The following DGKI variants were observed in gnomAD, a reference collection of about 807,000 sequenced individuals.
The protein encoded by DGKI is diacylglycerol kinase iota, also known as DAG kinase iota.
DGKI carries 55 observed loss-of-function variants against 147.5 expected under a neutral mutation model. That is an observed-to-expected ratio of 0.37 (90% CI 0.30 to 0.47). The LOEUF (loss-of-function observed/expected upper bound fraction) is 0.47. DGKI is among the 20% of genes least tolerant of loss of function. DGKI has a pLI of 1.00. For missense variants in DGKI, 1,007 were observed against 1,323.8 expected (o/e 0.76, Z 3.71); for synonymous variants, 469 against 477.1 (o/e 0.98, Z 0.22).
intron 1 of DGKI, among the ~76,000 whole-genome samples, chr7:137,729,916 G>A (rs1794823020): frequency 6.6e-6 from 1 of 152,096 alleles, no homozygotes; most frequent in Admixed American, 6.6e-5. Context: ...CGTTGACACT[G>A]ATCAAACGTA....
intron 6 of DGKI, among the ~76,000 whole-genome samples, chr7:137,626,471 C>T (rs978432714): frequency 1.5e-4 from 23 of 152,028 alleles, no homozygotes; most frequent in African/African-American, 5.3e-4. Flanking sequence ...AACAGAACAG[C>T]TTACAAGAGG....
intron 12 of DGKI, among the ~76,000 whole-genome samples, chr7:137,595,894 C>T (rs1454551395): frequency 2.7e-5 from 4 of 147,262 alleles, no homozygotes; most frequent in African/African-American, 7.5e-5. Flanking sequence ...CCCAACTACT[C>T]GGGAGGCTGA....
intron 1 of DGKI, among the ~76,000 whole-genome samples, chr7:137,823,769 A>C (rs757052803): frequency 6.6e-6 from 1 of 152,240 alleles, no homozygotes; most frequent in Non-Finnish European, 1.5e-5. Flanking sequence ...GGCTGTCTAC[A>C]AGAAAAACCA....
chr7:137,733,185 TC>T lies in DGKI; in HGVS notation c.402-43184del, dbSNP rs368331335. ...GTGGAACCATCTACCACCAACCATC[TC>T]CAGAACTTTTCATCTTCCCCAAATG... On this transcript the variant is annotated intron_variant, in intron 1 of 32. Transcript: ENST00000614521. 1.4e-4 allele frequency among the ~76,000 whole-genome samples: 22 copies of T among 152,158 alleles called. No individual in the cohort carries two copies. The East Asian group carries it at 3.1e-3, about 21-fold the overall frequency.
At chr7:137,598,260 T>C (rs769769899) in intron 11 of DGKI, among the ~76,000 whole-genome samples, 1 of 152,230 alleles carries the variant, frequency 6.6e-6, no homozygotes, top group Non-Finnish European at 1.5e-5. Context: ...CCTCTTCCCC[T>C]TTCCCCAAGA....
At chr7:137,413,265 CAAA>C (rs35856159) in intron 28 of DGKI, among the ~76,000 whole-genome samples, 3,271 of 92,636 alleles carry the variant, frequency 0.035, 117 homozygotes, top group African/African-American at 0.12. Context: ...GACTCCATCT[CAAA>C]AAAAAAAAAA....
intron 1 of DGKI, among the ~76,000 whole-genome samples, chr7:137,829,713 G>T (rs1798164751): frequency 6.6e-6 from 1 of 151,504 alleles, no homozygotes; most frequent in African/African-American, 2.4e-5. Context: ...CTGTCCTCTG[G>T]ATAAGATAAG....
At chr7:137,506,430 T>C (rs1489829069) in intron 21 of DGKI, among the ~76,000 whole-genome samples, 1 of 152,088 alleles carries the variant, frequency 6.6e-6, no homozygotes, top group Non-Finnish European at 1.5e-5. Flanking sequence ...AAATAATCAG[T>C]GGTTGCCAAG....
chr7:137,830,712 G>C (rs1255672172), intron 1 of DGKI, among the ~76,000 whole-genome samples: 1 of 152,164 alleles, frequency 6.6e-6, no homozygotes, highest in Non-Finnish European at 1.5e-5. Context: ...AATATTCGAA[G>C]ACCTGTTATA....
intron 8 of DGKI, among the ~76,000 whole-genome samples, chr7:137,615,163 GC>G (rs1351447036): frequency 6.6e-6 from 1 of 152,060 alleles, no homozygotes; most frequent in East Asian, 1.9e-4. Flanking sequence ...AACCTGTCTG[GC>G]CCCTTCCTCT....
chr7:137,585,488 G>A (rs1819360155), intron 13 of DGKI, 142 bp from the exon 14 acceptor site: 20 of 910,140 alleles, frequency 2.2e-5, no homozygotes, highest in Non-Finnish European at 3.1e-5. Context: ...TTTACCTTGA[G>A]GTACTTAGAA....
chr7:137,469,751 G>A (rs1814809372), intron 23 of DGKI, 132 bp from the exon 24 acceptor site: 3 of 621,768 alleles, frequency 4.8e-6, no homozygotes, highest in Admixed American at 3.5e-5. Context: ...TTTTCTCTAG[G>A]AACACAAAGA....
At chr7:137,623,662 TCACC>T (rs1462960455) in intron 6 of DGKI, 108 bp from the exon 7 acceptor site, 5 of 897,146 alleles carry the variant, frequency 5.6e-6, no homozygotes, top group Non-Finnish European at 9.2e-6. Context: ...GCCAGGACTG[TCACC>T]CACCACTGGA....
At chr7:137,410,481 T>G (rs1812122384) in intron 29 of DGKI, among the ~76,000 whole-genome samples, 1 of 152,202 alleles carries the variant, frequency 6.6e-6, no homozygotes, top group Non-Finnish European at 1.5e-5. Context: ...GAGAATGCAT[T>G]AGGTTGGTGC....
intron 8 of DGKI, among the ~76,000 whole-genome samples, chr7:137,615,677 C>T (rs146648173): frequency 6.6e-6 from 1 of 151,880 alleles, no homozygotes; most frequent in East Asian, 1.9e-4. Context: ...ATATATTGAC[C>T]TCCAAATCAT....
chr7:137,755,064 T>C (rs757808300), intron 1 of DGKI, among the ~76,000 whole-genome samples: 2 of 152,208 alleles, frequency 1.3e-5, no homozygotes, highest in African/African-American at 2.4e-5. Context: ...TAAGTTTTTA[T>C]ATACATATGC....
At position 137,608,796 on chromosome 7, in the gene DGKI, C is replaced by T. The variant is rs1252438808; in HGVS notation, c.1167+170G>A. On this transcript the variant is annotated intron_variant, in intron 10 of 32. Coordinates refer to ENST00000614521, the MANE Select transcript of DGKI (RefSeq NM_001321708.2). Reference sequence around the variant, plus strand: ...TAAATTATAGAACATCTAGGTTTTGCCCAGCCCTGTAATGTGTAAAGCTAT... The same window carrying T: ...TAAATTATAGAACATCTAGGTTTTGTCCAGCCCTGTAATGTGTAAAGCTAT... Among the ~76,000 whole-genome samples, 3 of 152,112 alleles carry T rather than the reference C, an allele frequency of 2.0e-5. No individual in the cohort carries two copies. In the East Asian group the frequency reaches 5.8e-4, roughly 29 times the overall value.
rs764291386 is a variant in DGKI at position 137,407,985 on chromosome 7, C to T, written c.2810G>A (p.Ser937Asn). Residue 937 changes from serine (S) to asparagine (N), a missense_variant, in exon 30 of 33, where the codon AGC (serine) becomes AAC (asparagine). Physicochemically the swap from Ser to Asn is conservative, Grantham distance 46. This residue lies in a region of DGKI where 385 missense variants were observed against 445.2 expected (regional missense o/e 0.86). Transcript: ENST00000614521. ...IAGDLMKLIE[S>N]YKNGGSLLIQ... ...TAGCAGACTGCCTCCATTTTTATAG[C>T]TTTCTATTAGCTGCAAAGAGAGACA... 1.3e-6 allele frequency: 2 copies of T among 1,550,992 alleles called. No individual in the cohort carries two copies. The highest frequency in any genetic ancestry group is 1.7e-6 in the Non-Finnish European group (2 of 1,156,376).
intron 28 of DGKI, among the ~76,000 whole-genome samples, chr7:137,424,654 C>A (rs1028123227): frequency 6.6e-6 from 1 of 152,152 alleles, no homozygotes; most frequent in Non-Finnish European, 1.5e-5. Context: ...GGGTGACAGA[C>A]GGCACCTGGA....
Sources: allele counts gnomAD v4.1 joint callset (sites outside exome capture counted in the v4.1 genomes callset), GRCh38; gene constraint gnomAD v4.1.1; regional missense constraint gnomAD v4.1.1; transcripts MANE v1.5; gene names NCBI Gene and HGNC (gene_info 2026-07-23, HGNC 2026-07-21).